NAALADL2: variants seen among roughly 807,000 people sequenced by gnomAD.
The protein encoded by NAALADL2 is N-acetylated alpha-linked acidic dipeptidase like 2, also known as inactive N-acetylated-alpha-linked acidic dipeptidase-like protein 2.
Under a neutral mutation model 87.2 loss-of-function variants are expected in NAALADL2, and 76 were observed. That is an observed-to-expected ratio of 0.87 (90% CI 0.72 to 1.05). The LOEUF is 1.05. NAALADL2 is among the 50% of genes least tolerant of loss of function. The probability of loss-of-function intolerance (pLI) is 0.00; values close to 1 mark genes in which losing one functional copy is unlikely to be tolerated. For synonymous variants in NAALADL2, 354 were observed against 331.0 expected (o/e 1.07, Z -0.75); for missense variants, 1,089 against 945.8 (o/e 1.15, Z -1.99).
chr3:175,036,463 G>C (rs908595707), intron 1 of NAALADL2, among the ~76,000 whole-genome samples: 1 of 151,160 alleles, frequency 6.6e-6, no homozygotes, highest in Admixed American at 6.6e-5. Flanking sequence ...GCAGTGGTGC[G>C]ATCTCAGCTC....
At chr3:174,868,774 T>TA (rs1727457316) in intron 1 of NAALADL2, among the ~76,000 whole-genome samples, 1 of 152,146 alleles carries the variant, frequency 6.6e-6, no homozygotes. Flanking sequence ...ACAGTTATTC[T>TA]AAACTGTAAT....
At chr3:174,869,150 A>C (rs1015409880) in intron 1 of NAALADL2, among the ~76,000 whole-genome samples, 10 of 152,162 alleles carry the variant, frequency 6.6e-5, no homozygotes, top group African/African-American at 2.2e-4. Flanking sequence ...GCCTGGAACT[A>C]AGGTGAGACA....
At chr3:175,143,920 G>A (rs576406927) in intron 2 of NAALADL2, among the ~76,000 whole-genome samples, 10 of 151,900 alleles carry the variant, frequency 6.6e-5, no homozygotes, top group East Asian at 1.9e-4. Context: ...CTTGCTGTAT[G>A]CAATACATTA....
chr3:175,749,072 A>C (rs78724267), intron 12 of NAALADL2, among the ~76,000 whole-genome samples: 8,880 of 146,366 alleles, frequency 0.061, 897 homozygotes, highest in African/African-American at 0.21. Flanking sequence ...GTACTACTGT[A>C]CTCCAGACTG....
At position 175,810,317 on chromosome 3, in the gene NAALADL2, T is replaced by A. The variant is rs1285172614; in HGVS notation, c.*7114T>A. ...AATATGCATCTTACTTAAGAAATTA[T>A]GTTGTGATCTGGAGTGACACAAATG... On this transcript the variant is annotated 3_prime_UTR_variant, in exon 14 of 14. Coordinates refer to ENST00000454872, the MANE Select transcript of NAALADL2 (RefSeq NM_207015.3). 1 of 152,056 alleles carries A rather than the reference T, an allele frequency of 6.6e-6. No individual in the cohort carries two copies. Among genetic ancestry groups the A allele is most frequent in the Non-Finnish European group, 1.5e-5 (1 of 67,966 alleles). The allele number at this position is 152,056 out of a possible 1,614,324, so 9.4% of individuals were successfully genotyped here.
At chr3:175,406,765 G>A (rs1247638602) in intron 5 of NAALADL2, among the ~76,000 whole-genome samples, 1 of 151,620 alleles carries the variant, frequency 6.6e-6, no homozygotes, top group Admixed American at 6.6e-5. Context: ...TGCCTTTTGA[G>A]ACTATTTTCC....
At chr3:175,227,195 GGT>G (rs1181417754) in intron 2 of NAALADL2, among the ~76,000 whole-genome samples, 1 of 151,948 alleles carries the variant, frequency 6.6e-6, no homozygotes, top group African/African-American at 2.4e-5. Flanking sequence ...CATTCAACCT[GGT>G]GTTAGGAATA....
chr3:175,272,370 T>G (rs1415196955), intron 4 of NAALADL2, among the ~76,000 whole-genome samples: 1 of 152,178 alleles, frequency 6.6e-6, no homozygotes, highest in Non-Finnish European at 1.5e-5. Context: ...GAAAATTATG[T>G]GAAGTGAGTA....
chr3:175,171,700 A>G (rs1194241166), intron 2 of NAALADL2, among the ~76,000 whole-genome samples: 1 of 152,142 alleles, frequency 6.6e-6, no homozygotes, highest in African/African-American at 2.4e-5. Flanking sequence ...GAAATGTAGT[A>G]CATGCACACA....
At chr3:175,735,192 A>C (rs1744336965) in intron 11 of NAALADL2, among the ~76,000 whole-genome samples, 1 of 152,154 alleles carries the variant, frequency 6.6e-6, no homozygotes, top group Non-Finnish European at 1.5e-5. Context: ...AACAAGAGTC[A>C]CCTTTGCTCC....
intron 3 of NAALADL2, among the ~76,000 whole-genome samples, chr3:174,774,104 A>G (rs1190535524): frequency 6.6e-6 from 1 of 152,010 alleles, no homozygotes; most frequent in African/African-American, 2.4e-5. Flanking sequence ...CCTTGCTTCC[A>G]GTACTATTCC....
chr3:174,882,664 T>TATACACATATGTGCAC (rs1560318970), intron 1 of NAALADL2, among the ~76,000 whole-genome samples: 3 of 137,260 alleles, frequency 2.2e-5, no homozygotes, highest in African/African-American at 9.4e-5. Context: ...CATATGTGCA[T>TATACACATATGTGCAC]ATACACATAT....
At chr3:175,797,198 TG>T (rs1753605183) in intron 13 of NAALADL2, among the ~76,000 whole-genome samples, 1 of 152,180 alleles carries the variant, frequency 6.6e-6, no homozygotes, top group Admixed American at 6.5e-5. Context: ...ATGTTGTGTG[TG>T]GGTCAGGATA....
chr3:175,368,358 A>C (rs1203434523), intron 5 of NAALADL2, among the ~76,000 whole-genome samples: 1 of 152,144 alleles, frequency 6.6e-6, no homozygotes, highest in Non-Finnish European at 1.5e-5. Context: ...TATCAGGATG[A>C]TGCTGGCCTC....
At chr3:174,642,756 A>G (rs901098523) in intron 2 of NAALADL2, among the ~76,000 whole-genome samples, 1 of 7,554 alleles carries the variant, frequency 1.3e-4, no homozygotes, top group Non-Finnish European at 2.2e-4. Context: ...AAACATATAT[A>G]TATATATATA....
intron 2 of NAALADL2, among the ~76,000 whole-genome samples, chr3:174,655,187 G>A (rs1290045723): frequency 6.6e-6 from 1 of 152,182 alleles, no homozygotes; most frequent in African/African-American, 2.4e-5. Flanking sequence ...CTAACAAAGA[G>A]TAAATTCTTA....
intron 4 of NAALADL2, among the ~76,000 whole-genome samples, chr3:175,295,718 AACACACACAC>A (rs58935758): frequency 7.7e-5 from 11 of 143,656 alleles, no homozygotes; most frequent in African/African-American, 2.9e-4. Context: ...CATGCACACA[AACACACACAC>A]ACACACACAC....
At chr3:174,858,174 T>A (rs1177391435), upstream of NAALADL2, among the ~76,000 whole-genome samples, 1 of 147,826 alleles carries the variant, frequency 6.8e-6, no homozygotes, top group African/African-American at 2.5e-5. Context: ...ATATTAAATA[T>A]ATAATATATA....
At position 175,323,788 on chromosome 3, in the gene NAALADL2, T is replaced by C. The variant is rs62287013; in HGVS notation, c.940-387T>C. Among the ~76,000 whole-genome samples, 580 of 151,148 alleles carry C rather than the reference T, an allele frequency of 3.8e-3. 4 individuals are homozygous for C. The highest frequency in any genetic ancestry group is 0.011 in the East Asian group (56 of 5,092). On this transcript the variant is annotated intron_variant, in intron 4 of 13. Coordinates refer to ENST00000454872, the MANE Select transcript of NAALADL2 (RefSeq NM_207015.3). ...ATCCCAGCAGTTTGGGAGGCCGAGG[T>C]GGGCGGATCACGAGGTCAGGCGATC...
Sources: gnomAD v4.1 joint callset for allele counts (sites outside exome capture counted in the v4.1 genomes callset) on GRCh38, gnomAD v4.1.1 for gene constraint, MANE v1.5 for transcripts, NCBI Gene and HGNC (gene_info 2026-07-23, HGNC 2026-07-21) for gene names.